Variants in CACNB2 observed in about 807,000 individuals in gnomAD.
CACNB2 encodes the protein calcium voltage-gated channel auxiliary subunit beta 2, also known as voltage-dependent L-type calcium channel subunit beta-2.
A neutral mutation model predicts 73.3 loss-of-function variants in CACNB2; 42 were observed. The ratio of observed to expected loss-of-function variants is 0.57; its 90% CI spans 0.45 to 0.74. The LOEUF is 0.74. Among genes scored for constraint, CACNB2 ranks in the 30% least tolerant of loss-of-function variants. The pLI, the probability that CACNB2 is intolerant of heterozygous loss-of-function variation, is 0.00. For missense variants in CACNB2, 940 were observed against 853.0 expected (o/e 1.10, Z -1.27); for synonymous variants, 348 against 310.3 (o/e 1.12, Z -1.28).
intron 2 of CACNB2, among the ~76,000 whole-genome samples, chr10:18,338,982 C>T (rs2041125553): frequency 6.6e-6 from 1 of 151,966 alleles, no homozygotes; most frequent in Admixed American, 6.6e-5. Context: ...TCAAATGATC[C>T]TCCCACCTCG....
chr10:18,351,150 C>CTT (rs5783596), intron 2 of CACNB2, among the ~76,000 whole-genome samples: 4 of 142,434 alleles, frequency 2.8e-5, no homozygotes, highest in Admixed American at 2.8e-4. Flanking sequence ...CCTTTCTTTT[C>CTT]TTTTTTTTTT....
At chr10:18,537,011 G>T (rs569710035) in intron 12 of CACNB2, among the ~76,000 whole-genome samples, 1 of 152,268 alleles carries the variant, frequency 6.6e-6, no homozygotes, top group South Asian at 2.1e-4. Flanking sequence ...TGGAGGCAGG[G>T]TCTTGCTTTG....
chr10:18,406,617 G>A (rs765261021), intron 3 of CACNB2, among the ~76,000 whole-genome samples: 6 of 152,190 alleles, frequency 3.9e-5, no homozygotes, highest in Non-Finnish European at 8.8e-5. Context: ...CCATCTAGTT[G>A]TAGGAAAACA....
chr10:18,423,266 ATTATGACACTCTTTAGTGAAAAG>A, intron 3 of CACNB2, among the ~76,000 whole-genome samples: 1 of 152,336 alleles, frequency 6.6e-6, no homozygotes, highest in Admixed American at 6.5e-5. Context: ...TTTTGGTTGC[ATTATGACACTCTTTAGTGAAAAG>A]TAATGATTAA....
chr10:18,413,986 AT>A (rs1376877630), intron 3 of CACNB2, among the ~76,000 whole-genome samples: 5 of 152,226 alleles, frequency 3.3e-5, no homozygotes, highest in Admixed American at 6.5e-5. Flanking sequence ...CTCTGTAGTT[AT>A]GTGCGGTCTT....
intron 2 of CACNB2, among the ~76,000 whole-genome samples, chr10:18,368,068 A>G (rs916305457): frequency 6.6e-6 from 1 of 152,184 alleles, no homozygotes; most frequent in Non-Finnish European, 1.5e-5. Flanking sequence ...CCAGGAGGAA[A>G]GAAATTTCTT....
intron 2 of CACNB2, among the ~76,000 whole-genome samples, chr10:18,186,492 G>T (rs1372180879): frequency 1.3e-5 from 2 of 152,118 alleles, no homozygotes; most frequent in Non-Finnish European, 2.9e-5. Context: ...TTGGCTCACA[G>T]TTCCACAGGC....
intron 2 of CACNB2, among the ~76,000 whole-genome samples, chr10:18,347,962 T>C (rs113173677): frequency 0.016 from 2,405 of 152,280 alleles, 24 homozygotes; most frequent in Middle Eastern, 0.02. Context: ...CAGTGGGCTG[T>C]GAATAATTAA....
chr10:18,220,345 C>A (rs900849481), intron 2 of CACNB2, among the ~76,000 whole-genome samples: 78 of 147,712 alleles, frequency 5.3e-4, no homozygotes, highest in Admixed American at 1.2e-3. Flanking sequence ...TTGCAACCCT[C>A]CCCTCCTGCA....
intron 2 of CACNB2, among the ~76,000 whole-genome samples, chr10:18,299,587 T>A (rs1260038501): frequency 1.3e-5 from 2 of 152,116 alleles, no homozygotes; most frequent in Non-Finnish European, 2.9e-5. Flanking sequence ...GGCATATACC[T>A]TTACTCCCAG....
intron 3 of CACNB2, among the ~76,000 whole-genome samples, chr10:18,460,395 ACAT>A (rs1156512505): frequency 5.3e-5 from 8 of 152,130 alleles, no homozygotes; most frequent in Admixed American, 1.3e-4. Flanking sequence ...ATCACTTACA[ACAT>A]TTATACACAC....
intron 2 of CACNB2, among the ~76,000 whole-genome samples, chr10:18,213,566 C>T (rs1443221962): frequency 6.6e-6 from 1 of 152,150 alleles, no homozygotes; most frequent in African/African-American, 2.4e-5. Context: ...TACTTCTTTC[C>T]ATAATGTGAG....
chr10:18,375,781 G>T (rs892630547), intron 2 of CACNB2, among the ~76,000 whole-genome samples: 3 of 152,144 alleles, frequency 2.0e-5, no homozygotes, highest in African/African-American at 7.2e-5. Context: ...AATGTTACCA[G>T]TTTGTTGATA....
At chr10:18,168,836 A>G (rs2033043834) in intron 2 of CACNB2, among the ~76,000 whole-genome samples, 1 of 152,210 alleles carries the variant, frequency 6.6e-6, no homozygotes. Context: ...GCTCCTTGTG[A>G]ATGATTTTTA....
At chr10:18,516,820 T>C (rs1024801483) in intron 7 of CACNB2, among the ~76,000 whole-genome samples, 7 of 152,136 alleles carry the variant, frequency 4.6e-5, no homozygotes, top group African/African-American at 7.2e-5. Flanking sequence ...TCTTGTTTTT[T>C]TTTTTTCTGT....
chr10:18,356,942 CTTTTTTTT>C (rs71402158), intron 2 of CACNB2, among the ~76,000 whole-genome samples: 2 of 101,104 alleles, frequency 2.0e-5, no homozygotes, highest in East Asian at 3.3e-4. Flanking sequence ...GACTCAATTT[CTTTTTTTT>C]TTTTTTTTTT....
chr10:18,235,517 C>CAAT (rs2036406320), intron 2 of CACNB2, among the ~76,000 whole-genome samples: 2 of 152,192 alleles, frequency 1.3e-5, no homozygotes, highest in Middle Eastern at 6.8e-3. Flanking sequence ...GTATATTTAG[C>CAAT]AATAATAATA....
chr10:18,197,503 T>A (rs2034678710), intron 2 of CACNB2, among the ~76,000 whole-genome samples: 2 of 152,200 alleles, frequency 1.3e-5, no homozygotes. Context: ...TTCTCCTGGC[T>A]CTGTCCTCCT....
At chr10:18,164,735 T>C (rs1386121724) in intron 2 of CACNB2, among the ~76,000 whole-genome samples, 1 of 152,100 alleles carries the variant, frequency 6.6e-6, no homozygotes, top group Non-Finnish European at 1.5e-5. Context: ...TCTTTTTTAC[T>C]CAAAGCAGAA....
Sources: allele counts gnomAD v4.1 joint callset (sites outside exome capture counted in the v4.1 genomes callset), GRCh38; gene constraint gnomAD v4.1.1; transcripts MANE v1.5; gene names NCBI Gene and HGNC (gene_info 2026-07-23, HGNC 2026-07-21).